The following RIT2 variants were observed in gnomAD, a reference collection of about 807,000 sequenced individuals.
RIT2 encodes Ras like without CAAX 2, also known as GTP-binding protein Rit2.
RIT2 carries 24 observed loss-of-function variants against 23.7 expected under a neutral mutation model. The observed-to-expected ratio is 1.01, with a 90% CI of 0.73 to 1.43. RIT2 has a LOEUF of 1.43. Ranked by LOEUF, RIT2 falls within the 40% of genes most tolerant of loss-of-function variation. The pLI is 0.00. For synonymous variants in RIT2, 107 were observed against 91.1 expected (o/e 1.17, Z -0.99); for missense variants, 236 against 266.9 (o/e 0.88, Z 0.81).
chr18:42,998,508 T>A (rs2144238416), intron 2 of RIT2, among the ~76,000 whole-genome samples: 1 of 152,268 alleles, frequency 6.6e-6, no homozygotes, highest in Admixed American at 6.5e-5. Flanking sequence ...CATTTGGTCT[T>A]AGATAACAAG....
chr18:43,061,920 G>A (rs1302819202), intron 1 of RIT2, among the ~76,000 whole-genome samples: 2 of 152,126 alleles, frequency 1.3e-5, no homozygotes, highest in Non-Finnish European at 2.9e-5. Flanking sequence ...TGCCCACTGA[G>A]CTGCGGGCAG....
Position 42,923,717 on chromosome 18 carries a change from C to T in RIT2, c.281G>A (p.Gly94Asp). Residue 94 changes from glycine to aspartate, a missense_variant, in exon 4 of 5, where the codon GGC (glycine) becomes GAC (aspartate). Transcript: ENST00000326695. ...MREQYMRGGE[G>D]FIICYSVTDR... is the part of the protein sequence containing the mutation. ...AGTGACGGAGTAGCAGATGATGAAG[C>T]CTTCCCCACCTCGCATGTACTGCTC... is the stretch of plus-strand genomic sequence containing the variant. The T allele has an allele frequency of 6.2e-7, 1 of 1,612,800 alleles. No individual in the cohort carries two copies. Among genetic ancestry groups the T allele is most frequent in the Non-Finnish European group, 8.5e-7 (1 of 1,179,608 alleles).
At chr18:43,075,617 T>G (rs1912995799) in intron 1 of RIT2, among the ~76,000 whole-genome samples, 1 of 152,244 alleles carries the variant, frequency 6.6e-6, no homozygotes, top group African/African-American at 2.4e-5. Context: ...CTGTGATTTT[T>G]TCTTAAATAT....
At chr18:43,105,812 T>A (rs1913809000) in intron 1 of RIT2, among the ~76,000 whole-genome samples, 1 of 152,196 alleles carries the variant, frequency 6.6e-6, no homozygotes, top group African/African-American at 2.4e-5. Context: ...ATTATTGTCA[T>A]CCCCATTTTA....
At chr18:43,080,562 T>C (rs1247455315) in intron 1 of RIT2, among the ~76,000 whole-genome samples, 2 of 152,200 alleles carry the variant, frequency 1.3e-5, no homozygotes, top group Non-Finnish European at 2.9e-5. Context: ...TGCCCCCTTA[T>C]TGCTTATGTG....
At chr18:42,979,484 G>A (rs964300017) in intron 2 of RIT2, among the ~76,000 whole-genome samples, 1 of 151,824 alleles carries the variant, frequency 6.6e-6, no homozygotes, top group African/African-American at 2.4e-5. Context: ...ATTAATCACT[G>A]ACCCAAATTT....
chr18:42,945,545 C>T (rs911812105), intron 3 of RIT2, among the ~76,000 whole-genome samples: 3 of 152,118 alleles, frequency 2.0e-5, no homozygotes, highest in African/African-American at 7.2e-5. Context: ...CATAGGCAAA[C>T]ATTATGGGTG....
At chr18:42,943,692 T>C (rs2144162050) in intron 3 of RIT2, among the ~76,000 whole-genome samples, 1 of 152,280 alleles carries the variant, frequency 6.6e-6, no homozygotes, top group South Asian at 2.1e-4. Context: ...AGGAAGTTAA[T>C]TCTTGTTTGT....
chr18:42,937,778 T>C (rs933436609), intron 3 of RIT2, among the ~76,000 whole-genome samples: 3 of 152,180 alleles, frequency 2.0e-5, no homozygotes, highest in South Asian at 4.1e-4. Flanking sequence ...ATAAAATTCA[T>C]TGGGGGAACA....
At chr18:43,058,047 T>G (rs1052664900) in intron 1 of RIT2, among the ~76,000 whole-genome samples, 1 of 152,138 alleles carries the variant, frequency 6.6e-6, no homozygotes, top group Admixed American at 6.5e-5. Context: ...GTAAATGTAT[T>G]ATCTCTAAAT....
chr18:42,935,534 G>A (rs62089944), intron 3 of RIT2, among the ~76,000 whole-genome samples: 1,639 of 152,202 alleles, frequency 0.011, 10 homozygotes, highest in Non-Finnish European at 0.017. Context: ...GCAGTTGCAT[G>A]GGGTGCCTCT....
intron 4 of RIT2, among the ~76,000 whole-genome samples, chr18:42,768,057 GT>G (rs1349797063): frequency 6.6e-6 from 1 of 151,620 alleles, no homozygotes; most frequent in Non-Finnish European, 1.5e-5. Flanking sequence ...TATATATGTA[GT>G]AATATATGCA....
intron 3 of RIT2, among the ~76,000 whole-genome samples, chr18:42,950,717 C>G (rs764752918): frequency 1.3e-5 from 2 of 151,566 alleles, no homozygotes; most frequent in Non-Finnish European, 2.9e-5. Flanking sequence ...CAAATAACCC[C>G]ATTTTAAAAA....
intron 4 of RIT2, among the ~76,000 whole-genome samples, chr18:42,892,600 G>A (rs1361821490): frequency 2.6e-5 from 4 of 152,248 alleles, no homozygotes; most frequent in Admixed American, 6.5e-5. Flanking sequence ...AAAGCACAAT[G>A]CTTGAAAATG....
intron 4 of RIT2, among the ~76,000 whole-genome samples, chr18:42,816,832 CTCTT>C (rs1568003715): frequency 6.6e-6 from 1 of 152,082 alleles, no homozygotes; most frequent in Admixed American, 6.6e-5. Flanking sequence ...GGAGAGGAAA[CTCTT>C]TATTTTGGTT....
chr18:42,956,283 C>T (rs142000864), intron 3 of RIT2, among the ~76,000 whole-genome samples: 7 of 152,190 alleles, frequency 4.6e-5, no homozygotes, highest in Non-Finnish European at 1.0e-4. Flanking sequence ...AGGTCAAACC[C>T]CCAATAATCT....
chr18:42,775,716 A>C (rs897534785), intron 4 of RIT2, among the ~76,000 whole-genome samples: 19 of 151,696 alleles, frequency 1.3e-4, no homozygotes, highest in East Asian at 1.9e-4. Flanking sequence ...TAAATAAATA[A>C]ATAAATAAAT....
intron 3 of RIT2, among the ~76,000 whole-genome samples, chr18:42,928,660 A>C (rs1193009931): frequency 6.6e-6 from 1 of 151,974 alleles, no homozygotes; most frequent in African/African-American, 2.4e-5. Flanking sequence ...ATTTACTATA[A>C]TTTTTGCAAA....
intron 4 of RIT2, among the ~76,000 whole-genome samples, chr18:42,759,760 G>GATATATAT (rs149291326): frequency 1.1e-4 from 15 of 130,686 alleles, no homozygotes; most frequent in Non-Finnish European, 1.1e-4. Context: ...CACACATACG[G>GATATATAT]ATATATATAT....
Sources: gnomAD v4.1 joint callset for allele counts (sites outside exome capture counted in the v4.1 genomes callset) on GRCh38, gnomAD v4.1.1 for gene constraint, MANE v1.5 for transcripts, NCBI Gene and HGNC (gene_info 2026-07-23, HGNC 2026-07-21) for gene names.